The following NDST2 variants were observed in gnomAD, a reference collection of about 807,000 sequenced individuals.
The protein encoded by NDST2 is bifunctional heparan sulfate N-deacetylase/N-sulfotransferase 2.
A neutral mutation model predicts 86.9 loss-of-function variants in NDST2; 32 were observed. That is an observed-to-expected ratio of 0.37 (90% CI 0.28 to 0.49). The LOEUF is 0.49. NDST2 is among the 20% of genes least tolerant of loss of function. The probability of loss-of-function intolerance (pLI) is 0.97; values close to 1 mark genes in which losing one functional copy is unlikely to be tolerated. For missense variants in NDST2, 950 were observed against 1,146.9 expected (o/e 0.83, Z 2.48); for synonymous variants, 409 against 437.0 (o/e 0.94, Z 0.80).
intron 9 of NDST2, among the ~76,000 whole-genome samples, chr10:73,804,550 T>C (rs2084065152): frequency 6.6e-6 from 1 of 152,002 alleles, no homozygotes; most frequent in African/African-American, 2.4e-5. Context: ...CTGAGCAGAA[T>C]TGCCTGAACC....
intron 12 of NDST2, 29 bp from the exon 13 acceptor site, chr10:73,803,110 A>G (rs769407796): frequency 5.6e-6 from 9 of 1,613,806 alleles, no homozygotes; most frequent in Non-Finnish European, 7.6e-6. Flanking sequence ...GGTTCCCTCT[A>G]TATTCCTAAG....
Position 73,807,207 on chromosome 10 carries a change from A to T in NDST2, c.1006-12T>A, listed in dbSNP as rs2084118669. 6.2e-7 allele frequency: 1 copy of T among 1,609,468 alleles called. No homozygotes were observed. Among genetic ancestry groups the T allele is most frequent in the Non-Finnish European group, 8.5e-7 (1 of 1,175,824 alleles). On this transcript the variant is annotated splice_polypyrimidine_tract_variant and intron_variant, in intron 3 of 14. Transcript: ENST00000309979. ...GTGGTCAACAGAGCCTGGGAAGAGT[A>T]GCAGGGACAAGAGAAATCAGGAGAG...
rs1039492131 is a variant in NDST2, at chr10:73,808,528, G to A, written c.-140C>T. ...GATTCCCTTGGGGAGTTTCCTTTAC[G>A]AGGTGGAGACGAGTCCCCTTAGCAT... On this transcript the variant is annotated 5_prime_UTR_variant, in exon 3 of 15. Coordinates refer to ENST00000309979, the MANE Select transcript of NDST2 (RefSeq NM_003635.4). This position sits in a 1 kb window ranked among gnomAD's most constrained non-coding sequence, Gnocchi z 4.3. The A allele has an allele frequency of 4.7e-6, 4 of 859,166 alleles. No homozygotes were observed. Among genetic ancestry groups the A allele is most frequent in the South Asian group, 3.7e-5 (2 of 54,146 alleles). The allele number at this position is 859,166 out of a possible 1,614,324, so 53.2% of individuals were successfully genotyped here. A position where few individuals can be genotyped will look rare whatever the true frequency, so the allele number is the denominator to read the frequency against.
Position 73,806,210 on chromosome 10 carries a change from TA to T in NDST2, c.1434+78del. ...CCCCCATACTTGGACTGGCAGTTGATAGAGAACATAGGTCAATGCATGTTGA... is the reference window on the plus strand; with the variant it reads ...CCCCCATACTTGGACTGGCAGTTGATGAGAACATAGGTCAATGCATGTTGA... On this transcript the variant is annotated intron_variant, in intron 6 of 14. Coordinates refer to ENST00000309979, the MANE Select transcript of NDST2 (RefSeq NM_003635.4). This position sits in a 1 kb window ranked among gnomAD's most constrained non-coding sequence, Gnocchi z 4.5. The T allele has an allele frequency of 6.3e-7, 1 of 1,585,030 alleles. No individual in the cohort carries two copies. Among genetic ancestry groups the T allele is most frequent in the Non-Finnish European group, 8.6e-7 (1 of 1,156,772 alleles).
Position 73,803,736 on chromosome 10 carries a change from G to A in NDST2, c.1980C>T (p.Phe660=), listed in dbSNP as rs2084049925. Residue 660 remains phenylalanine, a synonymous_variant, in exon 11 of 15, where the codon TTC becomes TTT. Transcript: ENST00000309979. ...TGCTGGCATTGGAAGGAACAGGGAA[G>A]AAATCCATGTACCTAGGAAGTAGCA... ...YHKGIDWYMD[F]FPVPSNASTD... 6.2e-7 allele frequency: 1 copy of A among 1,614,038 alleles called. No homozygotes were observed.
intron 7 of NDST2, 49 bp downstream of exon 7, chr10:73,805,851 C>A (rs770624636): frequency 6.2e-7 from 1 of 1,613,404 alleles, no homozygotes; most frequent in Non-Finnish European, 8.5e-7. Flanking sequence ...TCCCAGCCTG[C>A]AAACACCTTG....
rs773336253 is a variant in NDST2, at chr10:73,806,666, CTGTT to C, written c.1235_1238del (p.Lys412SerfsTer42). The C allele has an allele frequency of 6.8e-6, 11 of 1,613,880 alleles. No individual in the cohort carries two copies. The highest frequency in any genetic ancestry group is 1.3e-5 in the African/African-American group (1 of 75,050). On this transcript the variant is annotated frameshift_variant, in exon 5 of 15. Coordinates refer to ENST00000309979, the MANE Select transcript of NDST2 (RefSeq NM_003635.4). LOFTEE classifies it high-confidence loss of function. The surrounding 1 kb of genome is among the most constrained non-coding windows in gnomAD (Gnocchi z 4.5). The stretch of plus-strand genomic sequence containing the variant: ...GATCCAAGGGTCTCACCAGAGCAAA[CTGTT>C]TGTTGAGCCTCATCTGGTCAGCCAG...
rs778834155 is a variant in NDST2 at position 73,808,155 on chromosome 10, T to C, written c.234A>G (p.Pro78=). 6.2e-7 allele frequency: 1 copy of C among 1,614,220 alleles called. No homozygotes were observed. Among genetic ancestry groups the C allele is most frequent in the Non-Finnish European group, 8.5e-7 (1 of 1,180,040 alleles). Residue 78 remains proline, a synonymous_variant, in exon 3 of 15, where the codon CCA becomes CCG. Coordinates refer to ENST00000309979, the MANE Select transcript of NDST2 (RefSeq NM_003635.4). The surrounding 1 kb of genome is among the most constrained non-coding windows in gnomAD (Gnocchi z 4.3). ...PPVPPRPPRP[P]ETARTEPVVL... Reference sequence around the variant, plus strand: ...CCACGGGTTCAGTTCGAGCTGTCTCTGGAGGCCTGGGGGGCCGAGGTGGAA... The same window carrying C: ...CCACGGGTTCAGTTCGAGCTGTCTCCGGAGGCCTGGGGGGCCGAGGTGGAA...
chr10:73,803,507 T>C, intron 11 of NDST2, 67 bp downstream of exon 11: 3 of 1,497,380 alleles, frequency 2.0e-6, no homozygotes, highest in Non-Finnish European at 2.8e-6. Context: ...TCTCCCTCTC[T>C]AGCAGTCACT....
chr10:73,803,483 A>G, intron 11 of NDST2, 91 bp downstream of exon 11: 1 of 1,516,038 alleles, frequency 6.6e-7, no homozygotes, highest in Non-Finnish European at 9.1e-7. Flanking sequence ...TAAGTTTCTC[A>G]AACCTCACTC....
At position 73,805,953 on chromosome 10, in the gene NDST2, G is replaced by A; in HGVS notation, c.1510C>T (p.Leu504=). Residue 504 remains leucine, a synonymous_variant, in exon 7 of 15, where the codon CTA becomes TTA. Transcript: ENST00000309979. ...YNEYPGGSRE[L]DRSIRGGELF... ...TCTCCACCTCGGATGCTCCGGTCTA[G>A]TTCACGAGAGCCTCCAGGATACTCA... The A allele has an allele frequency of 6.2e-7, 1 of 1,614,216 alleles. No individual in the cohort carries two copies. The highest frequency in any genetic ancestry group is 8.5e-7 in the Non-Finnish European group (1 of 1,180,040).
rs767561317 is a variant in NDST2, at chr10:73,806,271, G to A, written c.1434+18C>T. The stretch of plus-strand genomic sequence containing the variant: ...AAATGTTAGAGTTTGATTCAAGCCT[G>A]TATTGGGAGTCCCTCACCATAATGC... On this transcript the variant is annotated intron_variant, in intron 6 of 14. Coordinates refer to ENST00000309979, the MANE Select transcript of NDST2 (RefSeq NM_003635.4). This position sits in a 1 kb window ranked among gnomAD's most constrained non-coding sequence, Gnocchi z 4.5. 6.2e-7 allele frequency: 1 copy of A among 1,613,048 alleles called. No individual in the cohort carries two copies. Among genetic ancestry groups the A allele is most frequent in the Non-Finnish European group, 8.5e-7 (1 of 1,179,778 alleles).
In NDST2 at chr10:73,802,992, C is replaced by T. The variant is rs146629239; in HGVS notation, c.2403G>A (p.Leu801=). The part of the protein sequence containing the change: ...IQKFLGITPF[L]NYTRTLRFDD... Reference sequence around the variant, plus strand: ...CCCACCTGAGGGTCCGTGTGTAGTTCAGAAAGGGTGTGATACCCAGGAACT... The same window carrying T: ...CCCACCTGAGGGTCCGTGTGTAGTTTAGAAAGGGTGTGATACCCAGGAACT... Residue 801 remains leucine, a synonymous_variant, in exon 13 of 15, where the codon CTG becomes CTA. Transcript: ENST00000309979. 60 of 1,614,064 alleles carry T rather than the reference C, an allele frequency of 3.7e-5. No homozygotes were observed. Among genetic ancestry groups the T allele is most frequent in the African/African-American group, 1.3e-5 (1 of 74,930 alleles).
At position 73,806,846 on chromosome 10, in the gene NDST2, T is replaced by C. The variant is rs1453533238; in HGVS notation, c.1094-35A>G. On this transcript the variant is annotated intron_variant, in intron 4 of 14. Transcript: ENST00000309979. This position sits in a 1 kb window ranked among gnomAD's most constrained non-coding sequence, Gnocchi z 4.5. ...CACGCTGACCACTGACCACAGCCAG[T>C]CAGCCCCTGTTCCCTCCTTTATTTT... 6.2e-7 allele frequency: 1 copy of C among 1,605,294 alleles called. No individual in the cohort carries two copies. Among genetic ancestry groups the C allele is most frequent in the South Asian group, 1.1e-5 (1 of 90,672 alleles).
At chr10:73,810,509 G>A (rs1216442642) in intron 2 of NDST2, among the ~76,000 whole-genome samples, 1 of 152,066 alleles carries the variant, frequency 6.6e-6, no homozygotes. Flanking sequence ...TTTGGCCTAG[G>A]TAAAACGACA....
chr10:73,809,939 C>T (rs2084167681), intron 2 of NDST2, among the ~76,000 whole-genome samples: 1 of 152,068 alleles, frequency 6.6e-6, no homozygotes, highest in African/African-American at 2.4e-5. Context: ...TGTTACGTTG[C>T]CCAGGCTGGT....
chr10:73,803,855 GTT>G, intron 10 of NDST2, 36 bp downstream of exon 10: 5 of 1,614,064 alleles, frequency 3.1e-6, no homozygotes, highest in Non-Finnish European at 4.2e-6. Flanking sequence ...GGAAGGGAGT[GTT>G]CCTCTGAGAA....
In NDST2 at chr10:73,807,006, C is replaced by T; in HGVS notation, c.1093+102G>A. ...ACTAGCTCCTCACAGCAGTCTGACC[C>T]CAAACCTTGACCCTTTTCTTCAACT... On this transcript the variant is annotated intron_variant, in intron 4 of 14. Transcript: ENST00000309979. 4.1e-6 allele frequency: 6 copies of T among 1,449,592 alleles called. No individual in the cohort carries two copies. The South Asian group carries it at 7.0e-5, about 17-fold the overall frequency. 89.8% of individuals were successfully genotyped at this position (1,449,592 alleles called of 1,614,324 possible).
Position 73,807,825 on chromosome 10 carries a change from G to A in NDST2, c.564C>T (p.Pro188=). The part of the protein sequence containing the change: ...SLLSAQLKGF[P]LFLHSNLGLR... ...GCCCCAAGTTTGAGTGTAAAAAAAG[G>A]GGAAAGCCCTTGAGCTGGGCGCTCA... Residue 188 remains proline, a synonymous_variant, in exon 3 of 15, where the codon CCC becomes CCT. Transcript: ENST00000309979. The A allele has an allele frequency of 6.2e-7, 1 of 1,614,174 alleles. No individual in the cohort carries two copies. Among genetic ancestry groups the A allele is most frequent in the Non-Finnish European group, 8.5e-7 (1 of 1,180,026 alleles).
Sources: gnomAD v4.1 joint callset for allele counts (sites outside exome capture counted in the v4.1 genomes callset) on GRCh38, gnomAD v4.1.1 for gene constraint, Gnocchi (gnomAD v3.1) non-coding constraint, MANE v1.5 for transcripts, NCBI Gene and HGNC (gene_info 2026-07-23, HGNC 2026-07-21) for gene names.